ANKRD36C: variants seen among roughly 807,000 people sequenced by gnomAD.
ANKRD36C encodes the protein ankyrin repeat domain 36C.
Under a neutral mutation model 276.4 loss-of-function variants are expected in ANKRD36C, and 61 were observed. The ratio of observed to expected loss-of-function variants is 0.22; its 90% CI spans 0.18 to 0.27. ANKRD36C has a LOEUF of 0.27. Among genes scored for constraint, ANKRD36C ranks in the 10% least tolerant of loss-of-function variants. The pLI is 1.00. For missense variants in ANKRD36C, 1,447 were observed against 2,032.3 expected (o/e 0.71, Z 5.54); for synonymous variants, 483 against 680.1 (o/e 0.71, Z 4.51).
chr2:95,917,746 GTGCAGCTT>G (rs1237894802), intron 36 of ANKRD36C, 101 bp downstream of exon 38: 2 of 1,348,284 alleles, frequency 1.5e-6, no homozygotes, highest in Admixed American at 5.0e-5. Context: ...GGATCAGAAT[GTGCAGCTT>G]TGGCGAGCAC....
At chr2:95,963,682 G>A (rs1302815167) in intron 6 of ANKRD36C, among the ~76,000 whole-genome samples, 1 of 115,582 alleles carries the variant, frequency 8.7e-6, no homozygotes, top group African/African-American at 3.4e-5. Flanking sequence ...TATTCTAAAT[G>A]CATCTGAAGT....
intron 6 of ANKRD36C, among the ~76,000 whole-genome samples, chr2:95,963,976 T>TATAA (rs1553409938): frequency 7.2e-5 from 2 of 27,608 alleles, no homozygotes; most frequent in Admixed American, 4.8e-4. Context: ...TATATAAATA[T>TATAA]ATATATATAT....
intron 59 of ANKRD36C, among the ~76,000 whole-genome samples, chr2:95,875,589 G>A (rs1391046538): frequency 2.0e-5 from 3 of 151,066 alleles, no homozygotes; most frequent in Non-Finnish European, 4.4e-5. Context: ...TAAATGACGA[G>A]TTAATGGGTG....
rs1676237842 is a variant in ANKRD36C at position 95,887,911 on chromosome 2, T to C, written c.3061+14A>G. ...TGGACTGAACATGACATTAAATGTG[T>C]TTTGTGAAATTACCTGTTCCAGATT... On this transcript the variant is annotated intron_variant, in intron 50 of 66. Coordinates refer to ENST00000456556, the Ensembl canonical transcript of ANKRD36C. 3 of 1,574,864 alleles carry C rather than the reference T, an allele frequency of 1.9e-6. No individual in the cohort carries two copies. Among genetic ancestry groups the C allele is most frequent in the Non-Finnish European group, 2.6e-6 (3 of 1,159,248 alleles).
intron 59 of ANKRD36C, among the ~76,000 whole-genome samples, chr2:95,874,061 C>G (rs1450735974): frequency 6.6e-6 from 1 of 152,032 alleles, no homozygotes; most frequent in Non-Finnish European, 1.5e-5. Flanking sequence ...ATTCCATGCT[C>G]ATGGGTAGGA....
Position 95,917,917 on chromosome 2 carries a change from T to G in ANKRD36C, c.2285A>C (p.Asp762Ala), listed in dbSNP as rs762934611. The G allele has an allele frequency of 9.3e-6, 15 of 1,607,068 alleles. No individual in the cohort carries two copies. The South Asian group carries it at 1.7e-4, about 18-fold the overall frequency. Residue 762 changes from aspartate to alanine, a missense_variant, in exon 36 of 67, where the codon GAC becomes GCC. By Grantham distance (126) the Asp-to-Ala change is moderately radical. Around this residue, in one of 13 missense-constraint regions of ANKRD36C, gnomAD observed 565 missense variants for 539.5 expected, o/e 1.05. Transcript: ENST00000456556. The stretch of plus-strand genomic sequence containing the variant: ...TATAATCGAAACAGAATCTTCCTCG[T>G]CAGTTGTAGCCTGAATGGAATTTGA...
intron 44 of ANKRD36C, among the ~76,000 whole-genome samples, chr2:95,892,621 G>C (rs1448574599): frequency 6.6e-6 from 1 of 151,518 alleles, no homozygotes; most frequent in Non-Finnish European, 1.5e-5. Context: ...ATATTGACCA[G>C]TTATTCATTC....
intron 38 of ANKRD36C, 44 bp downstream of exon 40, chr2:95,915,936 T>C (rs368350170): frequency 2.0e-6 from 3 of 1,536,568 alleles, no homozygotes; most frequent in East Asian, 2.5e-5. Context: ...AGAGAACTTC[T>C]TATCTGGACT....
intron 44 of ANKRD36C, among the ~76,000 whole-genome samples, chr2:95,898,079 G>C (rs866883944): frequency 0.025 from 3,730 of 148,746 alleles, 5 homozygotes; most frequent in African/African-American, 0.088. Context: ...TAAGTTTCTT[G>C]TATCCACTAG....
intron 38 of ANKRD36C, 141 bp downstream of exon 40, chr2:95,915,832 GCGTAACC>G (rs1677076489): frequency 1.7e-6 from 2 of 1,176,142 alleles, no homozygotes; most frequent in Non-Finnish European, 1.2e-6. Flanking sequence ...AGCAGCAACA[GCGTAACC>G]CAAGAACTTA....
intron 6 of ANKRD36C, among the ~76,000 whole-genome samples, chr2:95,964,007 ATATATATGTGTGTGTG>A: frequency 3.6e-5 from 1 of 27,422 alleles, no homozygotes; most frequent in East Asian, 1.6e-3. Context: ...ATATATATAT[ATATATATGTGTGTGTG>A]TGTCATGATT....
intron 6 of ANKRD36C, among the ~76,000 whole-genome samples, chr2:95,970,545 T>A (rs1433763142): frequency 6.6e-6 from 1 of 152,118 alleles, no homozygotes; most frequent in Non-Finnish European, 1.5e-5. Flanking sequence ...CCAACAGTTG[T>A]CTCCCTACCT....
At chr2:95,984,664 A>G (rs1049912285) in intron 3 of ANKRD36C, among the ~76,000 whole-genome samples, 5 of 152,148 alleles carry the variant, frequency 3.3e-5, no homozygotes, top group Non-Finnish European at 7.4e-5. Flanking sequence ...CTTTTACAAC[A>G]TTCATTCATT....
intron 6 of ANKRD36C, among the ~76,000 whole-genome samples, chr2:95,974,218 C>T (rs948114574): frequency 6.6e-6 from 1 of 152,190 alleles, no homozygotes; most frequent in African/African-American, 2.4e-5. Flanking sequence ...TAAAAGACAC[C>T]TTAAGTGTCT....
At chr2:95,946,171 A>C (rs1207066178) in intron 17 of ANKRD36C, among the ~76,000 whole-genome samples, 3 of 150,418 alleles carry the variant, frequency 2.0e-5, no homozygotes, top group Non-Finnish European at 3.0e-5. Flanking sequence ...AAAAAAAAAA[A>C]AAAAAAACAA....
rs543158336 is a variant in ANKRD36C, at chr2:95,981,692, A to C, written c.593+564T>G. On this transcript the variant is annotated intron_variant, in intron 4 of 66. Coordinates refer to ENST00000456556, the Ensembl canonical transcript of ANKRD36C. ...TACCCTCCTTTTCACAGAAGAAAAC[A>C]TACTTGGTGATAAGTAATGTTACCA... 2.8e-3 allele frequency among the ~76,000 whole-genome samples: 429 copies of C among 151,834 alleles called. 1 individual carries two copies. Among genetic ancestry groups the C allele is most frequent in the Middle Eastern group, 6.8e-3 (2 of 294 alleles).
exon 54 of ANKRD36C, chr2:95,884,175 G>A: frequency 6.2e-7 from 1 of 1,606,392 alleles, no homozygotes; most frequent in Non-Finnish European, 8.5e-7. Context: ...AAAATTACCT[G>A]TCCCAGATTT....
intron 12 of ANKRD36C, among the ~76,000 whole-genome samples, chr2:95,957,463 T>C (rs1375419586): frequency 8.7e-4 from 128 of 147,548 alleles, no homozygotes; most frequent in African/African-American, 3.1e-3. Context: ...TGAATCCTAT[T>C]ATATGCTATT....
chr2:95,851,984 GTA>G, intron 65 of ANKRD36C, 140 bp downstream of exon 85: 1 of 1,098,848 alleles, frequency 9.1e-7, no homozygotes. Context: ...GAAAAATGAT[GTA>G]TGTCAATATA....
Sources: gnomAD v4.1 joint callset for allele counts (sites outside exome capture counted in the v4.1 genomes callset) on GRCh38, gnomAD v4.1.1 for gene constraint, gnomAD v4.1.1 regional missense constraint, MANE v1.5 for transcripts, NCBI Gene and HGNC (gene_info 2026-07-23, HGNC 2026-07-21) for gene names.